The following NCBP1 variants were observed in gnomAD, a reference collection of about 807,000 sequenced individuals.
NCBP1 encodes nuclear cap binding protein subunit 1.
In NCBP1, 16 loss-of-function variants were observed where a neutral mutation model predicts 111.7. The ratio of observed to expected loss-of-function variants is 0.14; its 90% CI spans 0.10 to 0.22. The LOEUF is 0.22. Ranked by LOEUF, NCBP1 falls within the 10% of genes least tolerant of loss-of-function variation. The pLI is 1.00. For synonymous variants in NCBP1, 304 were observed against 314.3 expected, an observed-to-expected ratio of 0.97 and a Z score of 0.35; for missense variants, 607 against 957.5, an observed-to-expected ratio of 0.63 and a Z score of 4.83.
chr9:97,663,762 A>T (rs1335442355), intron 18 of NCBP1, among the ~76,000 whole-genome samples: 1 of 151,972 alleles, frequency 6.6e-6, no homozygotes, highest in Non-Finnish European at 1.5e-5. Context: ...GCTAGATTAC[A>T]GGTGTGAGCC....
intron 15 of NCBP1, among the ~76,000 whole-genome samples, chr9:97,659,534 T>C (rs1302017185): frequency 1.3e-5 from 2 of 152,224 alleles, no homozygotes; most frequent in African/African-American, 4.8e-5. Flanking sequence ...TAGATATGAT[T>C]ATCAAAACTA....
rs766494912 is a variant in NCBP1, at chr9:97,648,002, C to A, written c.682-6C>A. The A allele has an allele frequency of 2.5e-6, 4 of 1,599,134 alleles. No homozygotes were observed. Among genetic ancestry groups the A allele is most frequent in the Non-Finnish European group, 3.4e-6 (4 of 1,169,448 alleles). Reference sequence around the variant, plus strand: ...TATTAATGATTAAAAATTAATCTGTCTTTAGTATTTAGATTGCCTGTGGGC... The same window carrying A: ...TATTAATGATTAAAAATTAATCTGTATTTAGTATTTAGATTGCCTGTGGGC... On this transcript the variant is annotated splice_region_variant and splice_polypyrimidine_tract_variant and intron_variant, in intron 7 of 22. Transcript: ENST00000375147.
intron 16 of NCBP1, 101 bp from the exon 17 acceptor site, chr9:97,661,941 C>A: frequency 1.6e-6 from 1 of 642,314 alleles, no homozygotes; most frequent in African/African-American, 1.8e-5. Flanking sequence ...ACACAAATAT[C>A]TGTGTATAGA....
chr9:97,649,030 A>G (rs1034707380), intron 8 of NCBP1, among the ~76,000 whole-genome samples: 4 of 152,302 alleles, frequency 2.6e-5, no homozygotes. Flanking sequence ...GTTATTTCTC[A>G]GTAAAAGTAC....
intron 16 of NCBP1, among the ~76,000 whole-genome samples, chr9:97,661,732 GTT>G (rs34390822): frequency 0.089 from 10,043 of 112,942 alleles, 901 homozygotes; most frequent in African/African-American, 0.25. Context: ...AAGCTTAAGT[GTT>G]TTTTTTTTTT....
At chr9:97,657,061 G>A (rs1179512967) in intron 14 of NCBP1, among the ~76,000 whole-genome samples, 5 of 152,098 alleles carry the variant, frequency 3.3e-5, no homozygotes, top group Non-Finnish European at 7.4e-5. Context: ...CGCCACCTCC[G>A]GGTTCACGCC....
chr9:97,661,310 A>C (rs1014929534), intron 16 of NCBP1, among the ~76,000 whole-genome samples: 6 of 152,222 alleles, frequency 3.9e-5, no homozygotes, highest in South Asian at 4.1e-4. Flanking sequence ...ATATGTTACC[A>C]TTCAAGGATT....
At chr9:97,639,366 C>A (rs773404385) in intron 1 of NCBP1, among the ~76,000 whole-genome samples, 2 of 152,258 alleles carry the variant, frequency 1.3e-5, no homozygotes, top group Admixed American at 1.3e-4. Flanking sequence ...AAGATCATTT[C>A]AGTCATTCAA....
intron 16 of NCBP1, among the ~76,000 whole-genome samples, chr9:97,661,711 T>C (rs1805135667): frequency 6.7e-6 from 1 of 149,736 alleles, no homozygotes; most frequent in Admixed American, 6.7e-5. Flanking sequence ...TTGTCAGACA[T>C]CTTAAGACAT....
At chr9:97,664,276 G>A in intron 18 of NCBP1, 64 bp from the exon 19 acceptor site, 1 of 988,498 alleles carries the variant, frequency 1.0e-6, no homozygotes, top group Non-Finnish European at 1.5e-6. Flanking sequence ...CAGCAGTGTG[G>A]TGGCACATAT....
intron 18 of NCBP1, among the ~76,000 whole-genome samples, chr9:97,663,455 G>A (rs1469934571): frequency 6.6e-6 from 1 of 152,062 alleles, no homozygotes; most frequent in African/African-American, 2.4e-5. Context: ...TTGAAATTAT[G>A]TATTTTTTTG....
intron 15 of NCBP1, 21 bp downstream of exon 15, chr9:97,658,764 C>T: frequency 1.3e-6 from 2 of 1,523,408 alleles, no homozygotes; most frequent in South Asian, 1.1e-5. Flanking sequence ...AAACTAATCC[C>T]TCTGTCTTTA....
At chr9:97,660,850 G>T in intron 15 of NCBP1, 96 bp from the exon 16 acceptor site, 1 of 1,406,264 alleles carries the variant, frequency 7.1e-7, no homozygotes, top group South Asian at 1.5e-5. Context: ...TTGAAAGGAA[G>T]AATTTAAAAA....
chr9:97,643,168 T>C, intron 3 of NCBP1, 36 bp from the exon 4 acceptor site: 1 of 1,546,066 alleles, frequency 6.5e-7, no homozygotes, highest in Non-Finnish European at 8.6e-7. Context: ...CGCCATTGTT[T>C]TGGGGTTTTC....
At position 97,669,862 on chromosome 9, in the gene NCBP1, T is replaced by C. The variant is rs373072539; in HGVS notation, c.2259+156T>C. 79 of 702,780 alleles carry C rather than the reference T, an allele frequency of 1.1e-4. No homozygotes were observed. In the African/African-American group the frequency reaches 1.2e-3, roughly 11 times the overall value. The allele number at this position is 702,780 out of a possible 1,614,324, so 43.5% of individuals were successfully genotyped here. A position where few individuals can be genotyped will look rare whatever the true frequency, so the allele number is the denominator to read the frequency against. On this transcript the variant is annotated intron_variant, in intron 22 of 22. Transcript: ENST00000375147. ...GCTGCTACCATTGCTCATCAGAATA[T>C]TTAGGCTTAAACTGATTCTGTACCA...
intron 1 of NCBP1, among the ~76,000 whole-genome samples, chr9:97,635,408 C>T (rs1309774229): frequency 7.2e-6 from 1 of 139,508 alleles, no homozygotes; most frequent in Non-Finnish European, 1.5e-5. Context: ...AAATACAATT[C>T]CCTCCCTTTT....
intron 14 of NCBP1, among the ~76,000 whole-genome samples, chr9:97,657,908 A>C (rs2401599): frequency 0.63 from 59,174 of 93,304 alleles, 17,471 homozygotes; most frequent in Admixed American, 0.69. Flanking sequence ...CTCTCTCTCT[A>C]TATATATATA....
At chr9:97,660,322 C>T (rs1564026803) in intron 15 of NCBP1, among the ~76,000 whole-genome samples, 1 of 152,140 alleles carries the variant, frequency 6.6e-6, no homozygotes, top group African/African-American at 2.4e-5. Context: ...TCTGGTGATG[C>T]CTTACGGTGT....
At chr9:97,659,345 T>C (rs971515878) in intron 15 of NCBP1, among the ~76,000 whole-genome samples, 7 of 152,216 alleles carry the variant, frequency 4.6e-5, no homozygotes, top group African/African-American at 1.7e-4. Flanking sequence ...AGCCCCTCCA[T>C]GATCCTTCCA....
Sources: gnomAD v4.1 joint callset for allele counts (sites outside exome capture counted in the v4.1 genomes callset) on GRCh38, gnomAD v4.1.1 for gene constraint, MANE v1.5 for transcripts, NCBI Gene and HGNC (gene_info 2026-07-23, HGNC 2026-07-21) for gene names.